The following ESRRG variants were observed in gnomAD, a reference collection of about 807,000 sequenced individuals.
ESRRG encodes the protein estrogen related receptor gamma, also known as estrogen-related receptor gamma.
Under a neutral mutation model 44.0 loss-of-function variants are expected in ESRRG, and 13 were observed. The observed-to-expected ratio is 0.30, with a 90% CI of 0.19 to 0.47. ESRRG has a LOEUF of 0.47. Ranked by LOEUF, ESRRG falls within the 20% of genes least tolerant of loss-of-function variation. The probability of loss-of-function intolerance (pLI) is 1.00; values close to 1 mark genes in which losing one functional copy is unlikely to be tolerated. For missense variants in ESRRG, 395 were observed against 580.6 expected (o/e 0.68, Z 3.29); for synonymous variants, 215 against 214.6 (o/e 1.00, Z -0.02).
intron 3 of ESRRG, among the ~76,000 whole-genome samples, chr1:216,639,571 C>G (rs565431161): frequency 6.6e-6 from 1 of 152,114 alleles, no homozygotes; most frequent in Non-Finnish European, 1.5e-5. Context: ...TAAGTTAAAC[C>G]AAGTAATGTA....
intron 1 of ESRRG, among the ~76,000 whole-genome samples, chr1:217,068,428 C>G (rs1383518679): frequency 6.6e-6 from 1 of 151,540 alleles, no homozygotes; most frequent in East Asian, 1.9e-4. Flanking sequence ...CTCCAGTCCT[C>G]TCCTGCACCA....
At chr1:216,845,479 A>G (rs2095729358) in intron 2 of ESRRG, among the ~76,000 whole-genome samples, 1 of 152,186 alleles carries the variant, frequency 6.6e-6, no homozygotes, top group African/African-American at 2.4e-5. Flanking sequence ...GAGACACAGA[A>G]GAGCTCTGAA....
intron 1 of ESRRG, among the ~76,000 whole-genome samples, chr1:217,095,072 T>C (rs560835276): frequency 3.9e-5 from 6 of 152,116 alleles, no homozygotes; most frequent in South Asian, 2.1e-4. Context: ...CAAGAAAAGA[T>C]CCATAACTTT....
chr1:216,990,515 A>C (rs915530226), intron 1 of ESRRG, among the ~76,000 whole-genome samples: 2 of 152,114 alleles, frequency 1.3e-5, no homozygotes, highest in Admixed American at 6.6e-5. Context: ...GGCTTAAACT[A>C]TGTGGGTCCA....
intron 1 of ESRRG, among the ~76,000 whole-genome samples, chr1:217,040,378 T>C (rs1022199969): frequency 3.3e-5 from 5 of 152,266 alleles, no homozygotes; most frequent in South Asian, 4.1e-4. Context: ...ATTAAGAGGA[T>C]GCCTTGAACC....
intron 3 of ESRRG, among the ~76,000 whole-genome samples, chr1:216,589,003 A>C (rs541323609): frequency 6.6e-6 from 1 of 152,298 alleles, no homozygotes; most frequent in East Asian, 1.9e-4. Context: ...AAATGCCAAA[A>C]CTCAGATTTT....
At chr1:216,670,699 G>A (rs1267684530) in intron 2 of ESRRG, among the ~76,000 whole-genome samples, 1 of 152,174 alleles carries the variant, frequency 6.6e-6, no homozygotes, top group South Asian at 2.1e-4. Context: ...CTTCTGGTGT[G>A]CACATTAGAC....
chr1:216,927,411 G>A (rs1350477889), intron 2 of ESRRG, among the ~76,000 whole-genome samples: 1 of 152,186 alleles, frequency 6.6e-6, no homozygotes, highest in Non-Finnish European at 1.5e-5. Flanking sequence ...GGAGGGAGGC[G>A]TTCTTGGCCT....
chr1:216,808,096 A>T (rs1019378208), intron 2 of ESRRG, among the ~76,000 whole-genome samples: 1 of 152,162 alleles, frequency 6.6e-6, no homozygotes, highest in Non-Finnish European at 1.5e-5. Flanking sequence ...AATTCTTTCT[A>T]TACTGGCCCT....
At chr1:216,865,680 C>G (rs932999665) in intron 2 of ESRRG, among the ~76,000 whole-genome samples, 24 of 152,042 alleles carry the variant, frequency 1.6e-4, no homozygotes, top group Admixed American at 9.2e-4. Context: ...TCCAATGGAC[C>G]ATTTAATTTT....
chr1:216,736,064 G>C (rs1330891971), intron 2 of ESRRG, among the ~76,000 whole-genome samples: 2 of 145,198 alleles, frequency 1.4e-5, no homozygotes, highest in East Asian at 4.0e-4. Flanking sequence ...ACTTGAGAAA[G>C]ATGAGAACAG....
In ESRRG at chr1:216,783,410, C is replaced by G. The variant is rs1164392641; in HGVS notation, c.-13-105919G>C. 2.6e-5 allele frequency among the ~76,000 whole-genome samples: 4 copies of G among 152,068 alleles called. No homozygotes were observed. In the South Asian group the frequency reaches 6.2e-4, roughly 24 times the overall value. On this transcript the variant is annotated intron_variant, in intron 2 of 7. Transcript: ENST00000359162. ...CAACAGTATAATCTGCCTTATAACA[C>G]AGCTCCTTCAGAAATTCTCTTTTAC...
In ESRRG at chr1:216,510,562, A is replaced by G. The variant is rs186158040; in HGVS notation, c.1133-3379T>C. Among the ~76,000 whole-genome samples, 442 of 152,262 alleles carry G rather than the reference A, an allele frequency of 2.9e-3. 2 individuals are homozygous for G. Among genetic ancestry groups the G allele is most frequent in the African/African-American group, 0.01 (417 of 41,546 alleles). ...TTATTTTTATATCTTCCCTTGAATAAAATACTGCCCTTCTCTATGTTAGAA... is the reference window on the plus strand; with the variant it reads ...TTATTTTTATATCTTCCCTTGAATAGAATACTGCCCTTCTCTATGTTAGAA... On this transcript the variant is annotated intron_variant, in intron 6 of 6. Coordinates refer to ENST00000408911, the MANE Select transcript of ESRRG (RefSeq NM_001438.4).
intron 2 of ESRRG, chr1:216,936,628 T>A (rs2064191997): frequency 6.6e-6 from 1 of 152,050 alleles, no homozygotes; most frequent in African/African-American, 2.4e-5. Context: ...TTAAAAATAG[T>A]ATTTAGAGAT....
chr1:216,936,276 T>C (rs1434041405), intron 2 of ESRRG, among the ~76,000 whole-genome samples: 2 of 152,168 alleles, frequency 1.3e-5, no homozygotes, highest in Non-Finnish European at 2.9e-5. Context: ...GAAACAACAA[T>C]ATGGTTGTCG....
chr1:216,817,915 A>G (rs2095189239), intron 2 of ESRRG, among the ~76,000 whole-genome samples: 1 of 145,476 alleles, frequency 6.9e-6, no homozygotes, highest in Admixed American at 6.9e-5. Context: ...TCCATATGCA[A>G]TTCTTCAGGG....
intron 1 of ESRRG, among the ~76,000 whole-genome samples, chr1:217,121,117 A>AAT (rs1175277045): frequency 1.1e-5 from 1 of 93,942 alleles, no homozygotes; most frequent in African/African-American, 3.2e-5. Flanking sequence ...GGTCTTGAAG[A>AAT]ATACACACAC....
intron 3 of ESRRG, among the ~76,000 whole-genome samples, chr1:216,571,192 T>C (rs944052141): frequency 2.0e-5 from 3 of 152,160 alleles, no homozygotes; most frequent in Admixed American, 6.6e-5. Context: ...TTATTATGTA[T>C]TATGGATTAT....
chr1:216,794,123 C>G (rs889860719), intron 2 of ESRRG, among the ~76,000 whole-genome samples: 2 of 152,086 alleles, frequency 1.3e-5, no homozygotes. Context: ...ATTTAGGAAG[C>G]CTTGGCCTTC....
Sources: gnomAD v4.1 joint callset for allele counts (sites outside exome capture counted in the v4.1 genomes callset) on GRCh38, gnomAD v4.1.1 for gene constraint, MANE v1.5 for transcripts, NCBI Gene and HGNC (gene_info 2026-07-23, HGNC 2026-07-21) for gene names.